The following CTNNA2 variants were observed in gnomAD, a reference collection of about 807,000 sequenced individuals.
CTNNA2 encodes the protein catenin alpha-2.
A neutral mutation model predicts 101.0 loss-of-function variants in CTNNA2; 42 were observed. The observed-to-expected ratio is 0.42, with a 90% confidence interval of 0.32 to 0.54. The LOEUF (loss-of-function observed/expected upper bound fraction) is 0.54. Ranked by LOEUF, CTNNA2 falls within the 20% of genes least tolerant of loss-of-function variation. CTNNA2 has a pLI of 0.14. For synonymous variants in CTNNA2, 450 were observed against 456.4 expected, an observed-to-expected ratio of 0.99 and a Z score of 0.18; for missense variants, 871 against 1,223.1, an observed-to-expected ratio of 0.71 and a Z score of 4.29.
chr2:79,185,411 A>G (rs1673764950), exon 1 of CTNNA2: 1 of 137,312 alleles, frequency 7.3e-6, no homozygotes, highest in East Asian at 2.1e-4. Context: ...TGTACCAAGA[A>G]CAGAAAAAAA....
At chr2:79,345,336 A>G (rs1193312365) in intron 3 of CTNNA2, among the ~76,000 whole-genome samples, 2 of 152,110 alleles carry the variant, frequency 1.3e-5, no homozygotes, top group Admixed American at 1.3e-4. Context: ...TTTCATATTC[A>G]TTGCTACATT....
At chr2:79,839,575 T>C (rs1679645848) in intron 3 of CTNNA2, among the ~76,000 whole-genome samples, 1 of 152,076 alleles carries the variant, frequency 6.6e-6, no homozygotes, top group Non-Finnish European at 1.5e-5. Context: ...CTCTTTACCC[T>C]TAACATACGT....
At chr2:79,510,651 T>G (rs1671515498), upstream of CTNNA2, among the ~76,000 whole-genome samples, 1 of 152,230 alleles carries the variant, frequency 6.6e-6, no homozygotes, top group Admixed American at 6.5e-5. Flanking sequence ...TATCACTGTC[T>G]GATTGACAGA....
chr2:79,526,454 CTT>C (rs34508983), intron 1 of CTNNA2, among the ~76,000 whole-genome samples: 6 of 147,432 alleles, frequency 4.1e-5, no homozygotes, highest in East Asian at 4.0e-4. Context: ...TCCTAGCTTC[CTT>C]TTTTTTTTGC....
At chr2:79,490,974 A>T (rs1671202601) in intron 4 of CTNNA2, among the ~76,000 whole-genome samples, 1 of 152,192 alleles carries the variant, frequency 6.6e-6, no homozygotes, top group Admixed American at 6.5e-5. Context: ...TTGTCATGGC[A>T]CATACAGTTT....
At chr2:80,014,910 G>A (rs920921071) in intron 7 of CTNNA2, among the ~76,000 whole-genome samples, 3 of 152,122 alleles carry the variant, frequency 2.0e-5, no homozygotes, top group Admixed American at 1.3e-4. Flanking sequence ...ACCTCAAGAT[G>A]GGGAAGGAGT....
At chr2:80,540,125 GT>G (rs1479548884) in intron 9 of CTNNA2, among the ~76,000 whole-genome samples, 1 of 152,168 alleles carries the variant, frequency 6.6e-6, no homozygotes, top group African/African-American at 2.4e-5. Flanking sequence ...CTTTTCAAGT[GT>G]CTAGTAATTC....
chr2:79,519,775 AC>A (rs1381316960), intron 1 of CTNNA2, among the ~76,000 whole-genome samples: 1 of 152,138 alleles, frequency 6.6e-6, no homozygotes, highest in Non-Finnish European at 1.5e-5. Flanking sequence ...GGACTAAGTA[AC>A]CTGTCTTTTC....
intron 7 of CTNNA2, among the ~76,000 whole-genome samples, chr2:80,223,540 C>T (rs550961955): frequency 6.6e-6 from 1 of 152,330 alleles, no homozygotes; most frequent in Admixed American, 6.5e-5. Context: ...TCCCAAAGTG[C>T]TGGGATTACA....
intron 2 of CTNNA2, among the ~76,000 whole-genome samples, chr2:79,684,043 G>A (rs570724603): frequency 4.5e-4 from 69 of 152,240 alleles, no homozygotes; most frequent in African/African-American, 1.6e-3. Context: ...TGAACCCAGG[G>A]TGTAGCCATC....
chr2:79,412,750 G>T (rs1678431012), intron 4 of CTNNA2, among the ~76,000 whole-genome samples: 1 of 152,104 alleles, frequency 6.6e-6, no homozygotes, highest in South Asian at 2.1e-4. Flanking sequence ...AAAGCAGTGT[G>T]TAGAGGGAAA....
chr2:79,790,502 G>A (rs528582347), intron 3 of CTNNA2, among the ~76,000 whole-genome samples: 2 of 152,258 alleles, frequency 1.3e-5, no homozygotes, highest in South Asian at 4.1e-4. Context: ...ATATACTAAT[G>A]AATTGAGGCG....
chr2:79,846,442 G>A (rs920441279), intron 3 of CTNNA2, among the ~76,000 whole-genome samples: 8 of 152,154 alleles, frequency 5.3e-5, no homozygotes, highest in Admixed American at 4.6e-4. Context: ...AGTGATGCGA[G>A]TATTATTCAA....
At chr2:79,611,481 G>T (rs570217577) in intron 1 of CTNNA2, among the ~76,000 whole-genome samples, 1 of 152,096 alleles carries the variant, frequency 6.6e-6, no homozygotes, top group Admixed American at 6.6e-5. Context: ...GCACGAGGAA[G>T]GCATTAAATA....
chr2:79,613,046 AG>A (rs1678385213), intron 1 of CTNNA2, among the ~76,000 whole-genome samples: 1 of 152,084 alleles, frequency 6.6e-6, no homozygotes, highest in Admixed American at 6.6e-5. Flanking sequence ...AGTTGACTTC[AG>A]TAGATTTCTT....
intron 7 of CTNNA2, among the ~76,000 whole-genome samples, chr2:80,310,563 A>G (rs999707329): frequency 2.0e-5 from 3 of 152,202 alleles, no homozygotes; most frequent in Non-Finnish European, 2.9e-5. Context: ...CAGCAGGGAC[A>G]AGTGAGGGGA....
intron 9 of CTNNA2, among the ~76,000 whole-genome samples, chr2:80,426,779 A>G (rs918298374): frequency 6.6e-6 from 1 of 151,552 alleles, no homozygotes; most frequent in Non-Finnish European, 1.5e-5. Flanking sequence ...CACACTTGCC[A>G]TCTTTTGCTT....
intron 3 of CTNNA2, among the ~76,000 whole-genome samples, chr2:79,355,596 C>G (rs1044975000): frequency 1.3e-5 from 2 of 152,186 alleles, no homozygotes; most frequent in Non-Finnish European, 2.9e-5. Flanking sequence ...TAAACCATCA[C>G]TCCCCATTCC....
intron 7 of CTNNA2, among the ~76,000 whole-genome samples, chr2:79,955,271 A>C (rs1407876582): frequency 6.6e-6 from 1 of 152,120 alleles, no homozygotes; most frequent in Non-Finnish European, 1.5e-5. Context: ...TCTTCCCTTC[A>C]TGTGGTTTAA....
Sources: gnomAD v4.1 joint callset for allele counts (sites outside exome capture counted in the v4.1 genomes callset) on GRCh38, gnomAD v4.1.1 for gene constraint, MANE v1.5 for transcripts, NCBI Gene and HGNC (gene_info 2026-07-23, HGNC 2026-07-21) for gene names.